ITGA9: variants seen among roughly 807,000 people sequenced by gnomAD.
ITGA9 encodes the protein integrin alpha-9.
A neutral mutation model predicts 127.8 loss-of-function variants in ITGA9; 56 were observed. The ratio of observed to expected loss-of-function variants is 0.44; its 90% CI spans 0.35 to 0.55. The LOEUF (loss-of-function observed/expected upper bound fraction) is 0.55, where lower values mean the gene tolerates loss of function less well. ITGA9 is among the 20% of genes least tolerant of loss of function. The pLI, the probability that ITGA9 is intolerant of heterozygous loss-of-function variation, is 0.00. For synonymous variants in ITGA9, 508 were observed against 514.5 expected (o/e 0.99, Z 0.17); for missense variants, 1,196 against 1,347.1 (o/e 0.89, Z 1.76).
intron 15 of ITGA9, among the ~76,000 whole-genome samples, chr3:37,584,056 G>A: frequency 6.6e-6 from 1 of 152,168 alleles, no homozygotes; most frequent in East Asian, 1.9e-4. Context: ...GACTGTATTA[G>A]TCAGCTATTG....
intron 17 of ITGA9, among the ~76,000 whole-genome samples, chr3:37,674,984 C>T (rs1700667936): frequency 6.6e-6 from 1 of 152,228 alleles, no homozygotes; most frequent in Non-Finnish European, 1.5e-5. Context: ...GATCTGGTCT[C>T]CTGCCAGTGA....
intron 3 of ITGA9, among the ~76,000 whole-genome samples, chr3:37,477,912 C>T (rs1370244918): frequency 3.4e-5 from 5 of 146,778 alleles, no homozygotes; most frequent in Non-Finnish European, 7.6e-5. Flanking sequence ...CCCATCTGTC[C>T]ATTTTTTTTT....
At position 37,624,202 on chromosome 3, in the gene ITGA9, T is replaced by C. The variant is rs1352720109; in HGVS notation, c.1690-4985T>C. The stretch of plus-strand genomic sequence containing the variant: ...TTAGCTAAGGAAGAAAAAAAACCCT[T>C]TTTTTTTTTTTTTTTTTTTTTAATG... On this transcript the variant is annotated intron_variant, in intron 15 of 27. Transcript: ENST00000264741. Among the ~76,000 whole-genome samples the C allele has an allele frequency of 2.1e-4, 8 of 37,916 alleles. No individual in the cohort carries two copies. In the East Asian group the frequency reaches 5.8e-3, roughly 27 times the overall value. 24.9% of individuals were successfully genotyped at this position (37,916 alleles called of 152,430 possible). A position where few individuals can be genotyped will look rare whatever the true frequency, so the allele number is the denominator to read the frequency against.
intron 14 of ITGA9, 146 bp downstream of exon 14, chr3:37,533,614 T>A (rs1699180535): frequency 2.7e-6 from 2 of 731,812 alleles, no homozygotes; most frequent in South Asian, 3.3e-5. Context: ...CCTCTGAGGT[T>A]CCTCCCCTTC....
At chr3:37,503,948 C>A (rs1698814997) in intron 6 of ITGA9, among the ~76,000 whole-genome samples, 1 of 152,110 alleles carries the variant, frequency 6.6e-6, no homozygotes, top group Non-Finnish European at 1.5e-5. Context: ...TAATTTATGC[C>A]CTAAATGCTA....
intron 22 of ITGA9, chr3:37,749,101 CT>C (rs1238803762): frequency 3.7e-6 from 1 of 272,690 alleles, no homozygotes; most frequent in Non-Finnish European, 6.8e-6. Context: ...ATGGGCCCCG[CT>C]GGGCTAAAAC....
At chr3:37,748,951 G>T in intron 22 of ITGA9, 1 of 608,636 alleles carries the variant, frequency 1.6e-6, no homozygotes, top group Admixed American at 2.8e-5. Flanking sequence ...AAAAAAAAAA[G>T]AAAAAAGAAA....
intron 26 of ITGA9, among the ~76,000 whole-genome samples, chr3:37,800,956 G>C (rs1697228752): frequency 6.6e-6 from 1 of 152,092 alleles, no homozygotes; most frequent in South Asian, 2.1e-4. Context: ...TTCGAGGCCA[G>C]GAGTTCGAGA....
At chr3:37,705,870 C>A (rs951601041) in intron 18 of ITGA9, among the ~76,000 whole-genome samples, 1 of 152,192 alleles carries the variant, frequency 6.6e-6, no homozygotes, top group Non-Finnish European at 1.5e-5. Flanking sequence ...TCTGGCCCAC[C>A]CCGAGCAAAC....
At chr3:37,605,704 C>T (rs899140292) in intron 15 of ITGA9, among the ~76,000 whole-genome samples, 1 of 152,076 alleles carries the variant, frequency 6.6e-6, no homozygotes, top group African/African-American at 2.4e-5. Context: ...GAGGGGGACT[C>T]CTGCAATGTT....
chr3:37,529,810 T>C (rs1254196504), intron 13 of ITGA9, among the ~76,000 whole-genome samples: 12 of 151,638 alleles, frequency 7.9e-5, no homozygotes, highest in Non-Finnish European at 1.6e-4. Flanking sequence ...GGGGATGAGG[T>C]TGGTGAGAGT....
intron 27 of ITGA9, among the ~76,000 whole-genome samples, chr3:37,812,915 C>T (rs1252644926): frequency 2.0e-5 from 3 of 152,268 alleles, no homozygotes; most frequent in African/African-American, 7.2e-5. Flanking sequence ...CATTTCCCAG[C>T]ACCTTCAGGG....
At chr3:37,498,884 G>C (rs908741956) in intron 5 of ITGA9, among the ~76,000 whole-genome samples, 3 of 152,232 alleles carry the variant, frequency 2.0e-5, no homozygotes, top group Non-Finnish European at 4.4e-5. Flanking sequence ...AAATGTGGTT[G>C]AAGGGTCCAG....
At chr3:37,733,832 G>A (rs1490882504) in intron 19 of ITGA9, among the ~76,000 whole-genome samples, 1 of 152,166 alleles carries the variant, frequency 6.6e-6, no homozygotes, top group Non-Finnish European at 1.5e-5. Flanking sequence ...GGGCAAAAAG[G>A]TAATAACTTT....
At chr3:37,618,178 A>T (rs543997130) in intron 15 of ITGA9, among the ~76,000 whole-genome samples, 1 of 152,290 alleles carries the variant, frequency 6.6e-6, no homozygotes, top group East Asian at 1.9e-4. Flanking sequence ...TTTCCTTCTA[A>T]CAGTCAGGAC....
At chr3:37,668,616 C>T (rs1283897044) in intron 17 of ITGA9, among the ~76,000 whole-genome samples, 7 of 152,254 alleles carry the variant, frequency 4.6e-5, no homozygotes, top group East Asian at 1.9e-4. Flanking sequence ...TCACCCATCC[C>T]GGCACAGGCT....
chr3:37,547,145 G>A (rs1313744076), intron 15 of ITGA9, among the ~76,000 whole-genome samples: 1 of 151,832 alleles, frequency 6.6e-6, no homozygotes, highest in Non-Finnish European at 1.5e-5. Context: ...AGAACCATGT[G>A]TCAGACACTG....
intron 16 of ITGA9, among the ~76,000 whole-genome samples, chr3:37,652,710 G>A (rs1700441465): frequency 1.3e-5 from 2 of 152,316 alleles, no homozygotes; most frequent in Middle Eastern, 3.4e-3. Flanking sequence ...AACATGAGCA[G>A]TGACAAGGAA....
chr3:37,612,237 G>A (rs964742093), intron 15 of ITGA9, among the ~76,000 whole-genome samples: 7 of 152,084 alleles, frequency 4.6e-5, no homozygotes, highest in African/African-American at 1.4e-4. Context: ...GTTGGGAAGC[G>A]CACGTGGATC....
Sources: gnomAD v4.1 joint callset for allele counts (sites outside exome capture counted in the v4.1 genomes callset) on GRCh38, gnomAD v4.1.1 for gene constraint, MANE v1.5 for transcripts, NCBI Gene and HGNC (gene_info 2026-07-23, HGNC 2026-07-21) for gene names.